The following IGF2BP1 variants were observed in gnomAD, a reference collection of about 807,000 sequenced individuals.
IGF2BP1 encodes insulin-like growth factor 2 mRNA-binding protein 1.
A neutral mutation model predicts 74.9 loss-of-function variants in IGF2BP1; 11 were observed. The ratio of observed to expected loss-of-function variants is 0.15; its 90% CI spans 0.09 to 0.24. The LOEUF is 0.24. Among genes scored for constraint, IGF2BP1 ranks in the 10% least tolerant of loss-of-function variants. IGF2BP1 has a pLI of 1.00. For missense variants in IGF2BP1, 440 were observed against 757.4 expected (o/e 0.58, Z 4.92); for synonymous variants, 287 against 281.8 (o/e 1.02, Z -0.18).
At chr17:49,043,636 T>C (rs1339620686) in intron 10 of IGF2BP1, 86 bp downstream of exon 10, 17 of 1,515,068 alleles carry the variant, frequency 1.1e-5, no homozygotes, top group Admixed American at 1.9e-5. Context: ...GGGAGTTGGA[T>C]GCTTGGCAAG....
chr17:49,014,759 G>A lies in IGF2BP1; in HGVS notation c.237-10859G>A, dbSNP rs566143274. On this transcript the variant is annotated intron_variant, in intron 2 of 14. Transcript: ENST00000290341. Reference sequence around the variant, plus strand: ...ACGCTTGCGGGGCTGGTGCCCAGATGTTTGCCCATCGTCATCAGGGGGCAC... The same window carrying A: ...ACGCTTGCGGGGCTGGTGCCCAGATATTTGCCCATCGTCATCAGGGGGCAC... The A allele has an allele frequency of 1.8e-4, 176 of 985,362 alleles. 4 individuals are homozygous for A. The South Asian group carries it at 7.7e-3, about 43-fold the overall frequency. 61.0% of individuals were successfully genotyped at this position (985,362 alleles called of 1,614,324 possible).
chr17:49,006,717 T>C (rs973003369), intron 2 of IGF2BP1, among the ~76,000 whole-genome samples: 3 of 152,178 alleles, frequency 2.0e-5, no homozygotes, highest in African/African-American at 4.8e-5. Context: ...GGAACAGTGA[T>C]GGCTAGGCAT....
intron 2 of IGF2BP1, among the ~76,000 whole-genome samples, chr17:49,011,951 A>G (rs982244122): frequency 4.6e-5 from 6 of 130,272 alleles, no homozygotes; most frequent in Non-Finnish European, 6.2e-5. Flanking sequence ...TTTGTCACCC[A>G]GGCTGTAGTG....
chr17:49,028,370 A>G (rs1408882579), intron 4 of IGF2BP1, among the ~76,000 whole-genome samples: 4 of 152,152 alleles, frequency 2.6e-5, no homozygotes. Flanking sequence ...AAATGATGAA[A>G]ACCTTCACCC....
At chr17:49,000,466 C>T (rs892691874) in intron 2 of IGF2BP1, among the ~76,000 whole-genome samples, 2 of 151,980 alleles carry the variant, frequency 1.3e-5, no homozygotes, top group African/African-American at 2.4e-5. Context: ...TTTGAAATAC[C>T]GTGTTATTGG....
intron 5 of IGF2BP1, among the ~76,000 whole-genome samples, chr17:49,035,401 A>G (rs1191684170): frequency 1.3e-5 from 2 of 152,204 alleles, no homozygotes; most frequent in Non-Finnish European, 2.9e-5. Context: ...ACTAGGTTGT[A>G]AGTTTCCTGC....
At chr17:49,040,409 G>A (rs1403553401) in intron 7 of IGF2BP1, among the ~76,000 whole-genome samples, 1 of 152,124 alleles carries the variant, frequency 6.6e-6, no homozygotes. Context: ...TAGAGATGGG[G>A]TGTCGCCATG....
intron 1 of IGF2BP1, among the ~76,000 whole-genome samples, chr17:48,998,669 G>C (rs1291723322): frequency 2.6e-5 from 4 of 151,912 alleles, no homozygotes; most frequent in African/African-American, 9.7e-5. Flanking sequence ...CCGCTCCGTG[G>C]CCCAAAGCCC....
At chr17:49,012,405 G>C (rs2041630998) in intron 2 of IGF2BP1, 1 of 152,180 alleles carries the variant, frequency 6.6e-6, no homozygotes, top group Non-Finnish European at 1.5e-5. Flanking sequence ...GTGGGATCTG[G>C]GGTCACTAAC....
At chr17:49,012,943 T>C (rs946472697) in intron 2 of IGF2BP1, 5 of 152,080 alleles carry the variant, frequency 3.3e-5, no homozygotes, top group Non-Finnish European at 1.5e-5. Context: ...TACGTTTTTT[T>C]CCTGGCAAGC....
chr17:49,011,039 A>G (rs192058920), intron 2 of IGF2BP1, among the ~76,000 whole-genome samples: 5 of 146,526 alleles, frequency 3.4e-5, no homozygotes, highest in East Asian at 2.0e-4. Flanking sequence ...CGGGGAGGCT[A>G]AGGCAGGAGA....
chr17:49,054,591 C>CAA lies in IGF2BP1; in HGVS notation c.*5148_*5149insAA, dbSNP rs1348274416. ...GCCCATGTGTCACCCCTTTGGCCTCCAGCTTGTCCCTCTCTCACTTTCTAT... is the reference window on the plus strand; with the variant it reads ...GCCCATGTGTCACCCCTTTGGCCTCCAAAGCTTGTCCCTCTCTCACTTTCTAT... On this transcript the variant is annotated 3_prime_UTR_variant, in exon 15 of 15. Coordinates refer to ENST00000290341, the MANE Select transcript of IGF2BP1 (RefSeq NM_006546.4). The CAA allele has an allele frequency of 6.6e-6, 1 of 152,396 alleles. No individual in the cohort carries two copies. Among genetic ancestry groups the CAA allele is most frequent in the African/African-American group, 2.4e-5 (1 of 41,458 alleles). The allele number at this position is 152,396 out of a possible 1,614,324, so 9.4% of individuals were successfully genotyped here.
intron 2 of IGF2BP1, among the ~76,000 whole-genome samples, chr17:49,008,981 G>C (rs1339719576): frequency 2.6e-5 from 4 of 151,932 alleles, no homozygotes; most frequent in African/African-American, 9.7e-5. Flanking sequence ...AGGAACAAGT[G>C]AAAGACCCTG....
In IGF2BP1 at chr17:48,997,575, C is replaced by T; in HGVS notation, c.-171C>T. On this transcript the variant is annotated 5_prime_UTR_variant, in exon 1 of 15. Transcript: ENST00000290341. This position sits in a 1 kb window ranked among gnomAD's most constrained non-coding sequence, Gnocchi z 4.8. ...CGAACTCTCCCGCGACCTCTGCGCGCCCTCAGGCCGCCTTCCCCGCCCTGG... is the reference window on the plus strand; with the variant it reads ...CGAACTCTCCCGCGACCTCTGCGCGTCCTCAGGCCGCCTTCCCCGCCCTGG... 1 of 666,934 alleles carries T rather than the reference C, an allele frequency of 1.5e-6. No individual in the cohort carries two copies. The highest frequency in any genetic ancestry group is 2.5e-6 in the Non-Finnish European group (1 of 399,784). 41.3% of individuals were successfully genotyped at this position (666,934 alleles called of 1,614,324 possible). A position where few individuals can be genotyped will look rare whatever the true frequency, so the allele number is the denominator to read the frequency against.
chr17:49,047,695 C>T (rs1421455035), intron 14 of IGF2BP1, among the ~76,000 whole-genome samples: 1 of 151,274 alleles, frequency 6.6e-6, no homozygotes, highest in Non-Finnish European at 1.5e-5. Flanking sequence ...ATTATTTTCC[C>T]AACCTAGATC....
At chr17:49,042,819 C>T (rs2042067254) in intron 9 of IGF2BP1, among the ~76,000 whole-genome samples, 2 of 152,076 alleles carry the variant, frequency 1.3e-5, no homozygotes, top group South Asian at 4.2e-4. Flanking sequence ...TAGGAGACTA[C>T]AGGTGTACAC....
At chr17:49,016,637 G>A (rs1372045447) in intron 2 of IGF2BP1, among the ~76,000 whole-genome samples, 1 of 152,172 alleles carries the variant, frequency 6.6e-6, no homozygotes, top group Non-Finnish European at 1.5e-5. Flanking sequence ...CAGGGTGACA[G>A]TTGCATTCCA....
chr17:49,024,036 C>T (rs2041822278), intron 2 of IGF2BP1, among the ~76,000 whole-genome samples: 1 of 150,714 alleles, frequency 6.6e-6, no homozygotes, highest in Non-Finnish European at 1.5e-5. Flanking sequence ...CCTGCCTCAG[C>T]CTCCTGAGTA....
intron 5 of IGF2BP1, 80 bp from the exon 6 acceptor site, chr17:49,038,088 C>G: frequency 7.8e-7 from 1 of 1,281,522 alleles, no homozygotes; most frequent in East Asian, 2.8e-5. Flanking sequence ...CTGTAACTTA[C>G]TAGAGTGCTT....
Sources: allele counts gnomAD v4.1 joint callset (sites outside exome capture counted in the v4.1 genomes callset), GRCh38; gene constraint gnomAD v4.1.1; non-coding constraint Gnocchi (gnomAD v3.1); transcripts MANE v1.5; gene names NCBI Gene and HGNC (gene_info 2026-07-23, HGNC 2026-07-21).